The following NCOR2 variants were observed in gnomAD, a reference collection of about 807,000 sequenced individuals.
NCOR2 encodes CTG repeat protein 26.
Under a neutral mutation model 262.9 loss-of-function variants are expected in NCOR2, and 81 were observed. The observed-to-expected ratio is 0.31, with a 90% CI of 0.26 to 0.37. The LOEUF (loss-of-function observed/expected upper bound fraction) is 0.37. Among genes scored for constraint, NCOR2 ranks in the 10% least tolerant of loss-of-function variants. The probability of loss-of-function intolerance (pLI) is 1.00; values close to 1 mark genes in which losing one functional copy is unlikely to be tolerated. For missense variants in NCOR2, 3,385 were observed against 3,621.4 expected (o/e 0.93, Z 1.68); for synonymous variants, 1,659 against 1,559.3 (o/e 1.06, Z -1.51).
chr12:124,361,476 G>T (rs1005659509), intron 22 of NCOR2, among the ~76,000 whole-genome samples: 2 of 152,238 alleles, frequency 1.3e-5, no homozygotes, highest in Non-Finnish European at 2.9e-5. Flanking sequence ...AAGCAATCAC[G>T]CCCGCCTGTC....
intron 12 of NCOR2, among the ~76,000 whole-genome samples, chr12:124,421,385 G>A (rs1380599857): frequency 6.6e-6 from 1 of 152,232 alleles, no homozygotes; most frequent in African/African-American, 2.4e-5. Context: ...CCATCCTGGG[G>A]AGCCCTAACC....
Position 124,332,786 on chromosome 12 carries a change from C to T in NCOR2, c.6756-319G>A, listed in dbSNP as rs191406406. ...CGATCATGCCCTTCCCCAGGGGCAGCGGGCCCAGCTTCCTTCTCAGGTCCC... is the reference window on the plus strand; with the variant it reads ...CGATCATGCCCTTCCCCAGGGGCAGTGGGCCCAGCTTCCTTCTCAGGTCCC... On this transcript the variant is annotated intron_variant, in intron 42 of 46. Coordinates refer to ENST00000405201, the Ensembl canonical transcript of NCOR2. Among the ~76,000 whole-genome samples, 465 of 152,294 alleles carry T rather than the reference C, an allele frequency of 3.1e-3. 11 individuals are homozygous for T. Among genetic ancestry groups the T allele is most frequent in the Admixed American group, 0.027 (413 of 15,302 alleles).
intron 33 of NCOR2, among the ~76,000 whole-genome samples, chr12:124,342,645 G>A (rs2036551829): frequency 6.6e-6 from 1 of 152,208 alleles, no homozygotes; most frequent in South Asian, 2.1e-4. Context: ...TGGGATTACA[G>A]GTGTGAGCCA....
At chr12:124,456,722 G>A (rs983170341) in intron 6 of NCOR2, among the ~76,000 whole-genome samples, 1 of 152,224 alleles carries the variant, frequency 6.6e-6, no homozygotes, top group African/African-American at 2.4e-5. Flanking sequence ...ATGAAGCGGT[G>A]CACCTGGGAG....
intron 27 of NCOR2, 66 bp downstream of exon 29, chr12:124,354,027 G>A (rs899781662): frequency 1.4e-6 from 2 of 1,414,304 alleles, no homozygotes; most frequent in Non-Finnish European, 1.9e-6. Context: ...ACAATGAGGG[G>A]TTATAAGATG....
intron 1 of NCOR2, among the ~76,000 whole-genome samples, chr12:124,532,942 T>TAAC (rs769084529): frequency 0.35 from 5,142 of 14,702 alleles, 898 homozygotes; most frequent in East Asian, 0.53. Flanking sequence ...CCCTCCTCCC[T>TAAC]CCAAATCCCA....
At chr12:124,434,090 G>A (rs550741627) in intron 8 of NCOR2, among the ~76,000 whole-genome samples, 2 of 152,300 alleles carry the variant, frequency 1.3e-5, no homozygotes, top group South Asian at 2.1e-4. Flanking sequence ...AGCTTCCCAG[G>A]AGATGTGGCA....
chr12:124,507,616 C>T (rs1259658422), intron 1 of NCOR2, among the ~76,000 whole-genome samples: 1 of 152,260 alleles, frequency 6.6e-6, no homozygotes, highest in South Asian at 2.1e-4. Context: ...TCTGATCCCT[C>T]GGAAGCGCCC....
intron 16 of NCOR2, among the ~76,000 whole-genome samples, chr12:124,396,742 GGGGCTGTGGGGGTCTTCTCA>G (rs907682923): frequency 6.6e-6 from 1 of 152,116 alleles, no homozygotes; most frequent in Non-Finnish European, 1.5e-5. Context: ...GGTGAGGGCG[GGGGCTGTGGGGGTCTTCTCA>G]GGGCTGTGGG....
chr12:124,506,053 C>T (rs1442045560), intron 1 of NCOR2, among the ~76,000 whole-genome samples: 2 of 152,008 alleles, frequency 1.3e-5, no homozygotes, highest in Non-Finnish European at 1.5e-5. Context: ...CCACATTCTG[C>T]TTCAAGCCCC....
At chr12:124,377,539 G>C (rs1253758441) in intron 18 of NCOR2, among the ~76,000 whole-genome samples, 1 of 152,080 alleles carries the variant, frequency 6.6e-6, no homozygotes, top group Non-Finnish European at 1.5e-5. Context: ...AAGAGTTCTG[G>C]TCAAAAAACA....
At chr12:124,431,858 C>A (rs911567901) in intron 8 of NCOR2, among the ~76,000 whole-genome samples, 1 of 150,564 alleles carries the variant, frequency 6.6e-6, no homozygotes, top group Non-Finnish European at 1.5e-5. Context: ...GTCATATAGG[C>A]AGATACACAG....
chr12:124,326,093 T>A, intron 46 of NCOR2, 98 bp downstream of exon 48: 1 of 1,292,720 alleles, frequency 7.7e-7, no homozygotes. Context: ...GTCTGAGCTC[T>A]GCATGCAGCA....
intron 22 of NCOR2, among the ~76,000 whole-genome samples, chr12:124,360,935 TC>T (rs1029835884): frequency 6.6e-6 from 1 of 152,052 alleles, no homozygotes; most frequent in African/African-American, 2.4e-5. Flanking sequence ...CAACAGCAGC[TC>T]CCCAGAGCAG....
chr12:124,363,616 C>A, intron 21 of NCOR2, 63 bp downstream of exon 23: 1 of 1,309,410 alleles, frequency 7.6e-7, no homozygotes, highest in South Asian at 2.9e-5. Context: ...GATTCTCTGT[C>A]TCAATGAATG....
chr12:124,498,979 A>G (rs901814692), upstream of NCOR2, among the ~76,000 whole-genome samples: 1 of 152,256 alleles, frequency 6.6e-6, no homozygotes, highest in Admixed American at 6.5e-5. Flanking sequence ...CCAGGAGGGC[A>G]GGGTGAGGCA....
chr12:124,554,780 T>C (rs2051831207), intron 1 of NCOR2, among the ~76,000 whole-genome samples: 2 of 152,212 alleles, frequency 1.3e-5, no homozygotes, highest in Non-Finnish European at 2.9e-5. Flanking sequence ...TGCCGGGAGA[T>C]GCAGCTTCCT....
intron 22 of NCOR2, 161 bp from the exon 25 acceptor site, chr12:124,356,943 G>T (rs2037998196): frequency 3.4e-6 from 3 of 870,546 alleles, no homozygotes; most frequent in Non-Finnish European, 4.8e-6. Context: ...TGCCTGCCTG[G>T]GCGCTGCTCT....
chr12:124,547,880 T>C (rs2051587874), intron 1 of NCOR2, among the ~76,000 whole-genome samples: 1 of 152,216 alleles, frequency 6.6e-6, no homozygotes, highest in Non-Finnish European at 1.5e-5. Flanking sequence ...TTCCATTGTA[T>C]GGAGAGACCA....
Sources: gnomAD v4.1 joint callset for allele counts (sites outside exome capture counted in the v4.1 genomes callset) on GRCh38, gnomAD v4.1.1 for gene constraint, MANE v1.5 for transcripts, NCBI Gene and HGNC (gene_info 2026-07-23, HGNC 2026-07-21) for gene names.